The following DGKI variants were observed in gnomAD, a reference collection of about 807,000 sequenced individuals.
The protein encoded by DGKI is DAG kinase iota.
Under a neutral mutation model 147.5 loss-of-function variants are expected in DGKI, and 55 were observed. The observed-to-expected ratio is 0.37, with a 90% confidence interval of 0.30 to 0.47. DGKI has a LOEUF of 0.47. DGKI is among the 20% of genes least tolerant of loss of function. The probability of loss-of-function intolerance (pLI) is 1.00; values close to 1 mark genes in which losing one functional copy is unlikely to be tolerated. For synonymous variants in DGKI, 469 were observed against 477.1 expected, an observed-to-expected ratio of 0.98 and a Z score of 0.22; for missense variants, 1,007 against 1,323.8, an observed-to-expected ratio of 0.76 and a Z score of 3.71.
chr7:137,775,887 T>C (rs1796348270), intron 1 of DGKI, among the ~76,000 whole-genome samples: 1 of 152,146 alleles, frequency 6.6e-6, no homozygotes, highest in South Asian at 2.1e-4. Flanking sequence ...GCAGAGTTTT[T>C]CGCCCTTTTT....
At chr7:137,496,501 G>A (rs145311766) in intron 21 of DGKI, among the ~76,000 whole-genome samples, 2,160 of 151,278 alleles carry the variant, frequency 0.014, 26 homozygotes, top group Non-Finnish European at 0.02. Flanking sequence ...AATAGCCAAG[G>A]AAATAATAAT....
rs564816829 is a variant in DGKI, at chr7:137,481,277, C to A, written c.2373+4097G>T. On this transcript the variant is annotated intron_variant, in intron 23 of 32. Transcript: ENST00000614521. ...GCACATCTGCCTCTATTCCTTAGTACCTTTGTGATTTGGGGTTAAGAAGGG... is the reference window on the plus strand; with the variant it reads ...GCACATCTGCCTCTATTCCTTAGTAACTTTGTGATTTGGGGTTAAGAAGGG... Among the ~76,000 whole-genome samples the A allele has an allele frequency of 1.2e-4, 18 of 152,130 alleles. No homozygotes were observed. In the South Asian group the frequency reaches 2.3e-3, roughly 19 times the overall value.
intron 6 of DGKI, among the ~76,000 whole-genome samples, chr7:137,639,469 G>A (rs1257857343): frequency 1.3e-5 from 2 of 152,136 alleles, no homozygotes; most frequent in Non-Finnish European, 2.9e-5. Flanking sequence ...TTGGGACCAT[G>A]TCCCCCATCA....
At chr7:137,618,962 T>C (rs576791500) in intron 8 of DGKI, among the ~76,000 whole-genome samples, 48 of 152,314 alleles carry the variant, frequency 3.2e-4, no homozygotes, top group African/African-American at 1.2e-3. Flanking sequence ...CACCAGTTTT[T>C]AAATAAACCT....
chr7:137,837,820 A>G (rs1255109012), intron 1 of DGKI, among the ~76,000 whole-genome samples: 2 of 152,100 alleles, frequency 1.3e-5, no homozygotes, highest in African/African-American at 4.8e-5. Flanking sequence ...GCCCAAGCTA[A>G]TGAAGACAGC....
chr7:137,578,244 A>G (rs1239901428), intron 16 of DGKI, 26 bp downstream of exon 16: 1 of 1,529,088 alleles, frequency 6.5e-7, no homozygotes, highest in African/African-American at 1.4e-5. Flanking sequence ...AATATGTAGT[A>G]ATTATGAAAT....
chr7:137,487,923 GC>G (rs1291220700), intron 21 of DGKI, among the ~76,000 whole-genome samples: 4 of 152,064 alleles, frequency 2.6e-5, no homozygotes, highest in Non-Finnish European at 5.9e-5. Context: ...CTTGCCACCT[GC>G]CCCTCATCTC....
chr7:137,498,434 G>T lies in DGKI; in HGVS notation c.2249-10745C>A, dbSNP rs558339406. Among the ~76,000 whole-genome samples, 7 of 152,114 alleles carry T rather than the reference G, an allele frequency of 4.6e-5. No individual in the cohort carries two copies. In the South Asian group the frequency reaches 1.5e-3, roughly 32 times the overall value. ...AAAACATTAGTTTCCAAACTGAAAT[G>T]ATTCATCAAATGCCAAGCACAATAA... On this transcript the variant is annotated intron_variant, in intron 21 of 32. Coordinates refer to ENST00000614521, the MANE Select transcript of DGKI (RefSeq NM_001321708.2).
intron 19 of DGKI, among the ~76,000 whole-genome samples, chr7:137,556,346 T>C (rs906822222): frequency 6.6e-6 from 1 of 151,554 alleles, no homozygotes; most frequent in Non-Finnish European, 1.5e-5. Flanking sequence ...CAACATAATA[T>C]TGGAAGTACT....
At chr7:137,666,075 C>G (rs1822630208) in intron 3 of DGKI, among the ~76,000 whole-genome samples, 1 of 152,182 alleles carries the variant, frequency 6.6e-6, no homozygotes, top group Admixed American at 6.5e-5. Context: ...ACAGTCAGAA[C>G]AGTACAGGAT....
chr7:137,586,625 A>T (rs888137521), intron 13 of DGKI, among the ~76,000 whole-genome samples: 6 of 152,180 alleles, frequency 3.9e-5, no homozygotes, highest in African/African-American at 1.4e-4. Context: ...AGGACAGGTA[A>T]GTACCTATAC....
intron 2 of DGKI, among the ~76,000 whole-genome samples, chr7:137,683,654 G>A (rs752767746): frequency 6.6e-6 from 1 of 152,076 alleles, no homozygotes; most frequent in Admixed American, 6.6e-5. Context: ...CATGCATCTC[G>A]AAATACCATC....
chr7:137,558,470 G>T (rs554888321), intron 19 of DGKI, among the ~76,000 whole-genome samples: 40 of 152,256 alleles, frequency 2.6e-4, no homozygotes, highest in African/African-American at 7.5e-4. Context: ...TAGAGACAGG[G>T]TTTCGCCATG....
At chr7:137,584,134 T>C (rs530751990) in intron 14 of DGKI, among the ~76,000 whole-genome samples, 2 of 152,232 alleles carry the variant, frequency 1.3e-5, no homozygotes, top group Admixed American at 6.5e-5. Flanking sequence ...ACCCACAAAA[T>C]CTTAGCCTCA....
chr7:137,605,882 G>C (rs1223531093), intron 10 of DGKI, among the ~76,000 whole-genome samples: 2 of 152,102 alleles, frequency 1.3e-5, no homozygotes, highest in Non-Finnish European at 2.9e-5. Flanking sequence ...AGAAGAAATA[G>C]GTTCTAGTGT....
At chr7:137,694,494 G>C (rs1823720554) in intron 1 of DGKI, among the ~76,000 whole-genome samples, 1 of 152,104 alleles carries the variant, frequency 6.6e-6, no homozygotes, top group Admixed American at 6.5e-5. Flanking sequence ...CCCTCTCTGG[G>C]TGATGCTGCA....
Position 137,846,798 on chromosome 7 carries a change from G to T in DGKI, c.65C>A (p.Ala22Asp). 1 of 1,118,838 alleles carries T rather than the reference G, an allele frequency of 8.9e-7. No individual in the cohort carries two copies. The highest frequency in any genetic ancestry group is 1.1e-6 in the Non-Finnish European group (1 of 916,222). 69.3% of individuals were successfully genotyped at this position (1,118,838 alleles called of 1,614,324 possible). A position where few individuals can be genotyped will look rare whatever the true frequency, so the allele number is the denominator to read the frequency against. The part of the protein sequence containing the change: ...PLPAARGPAR[A>D]PAAAAAAAAS... The stretch of plus-strand genomic sequence containing the variant: ...GGCGGCGGCGGCGGCGGCTGCAGGA[G>T]CGCGGGCAGGTCCGCGCGCCGCTGG... The change falls in exon 1 of 33, where the codon GCT (alanine) becomes GAT (aspartate). Residue 22 changes from alanine to aspartate, a missense_variant. Physicochemically the swap from Ala to Asp is moderately radical, Grantham distance 126. Coordinates refer to ENST00000614521, the MANE Select transcript of DGKI (RefSeq NM_001321708.2). The surrounding 1 kb of genome is among the most constrained non-coding windows in gnomAD (Gnocchi z 4.0).
intron 1 of DGKI, among the ~76,000 whole-genome samples, chr7:137,815,460 C>T (rs1797711261): frequency 6.6e-6 from 1 of 152,206 alleles, no homozygotes; most frequent in African/African-American, 2.4e-5. Context: ...GTTCACTGAT[C>T]TACACATTTC....
intron 1 of DGKI, among the ~76,000 whole-genome samples, chr7:137,812,668 C>A (rs1241360562): frequency 6.6e-6 from 1 of 152,158 alleles, no homozygotes; most frequent in Non-Finnish European, 1.5e-5. Flanking sequence ...CCCTATGTGA[C>A]AGACTATACT....
Sources: allele counts gnomAD v4.1 joint callset (sites outside exome capture counted in the v4.1 genomes callset), GRCh38; gene constraint gnomAD v4.1.1; non-coding constraint Gnocchi (gnomAD v3.1); transcripts MANE v1.5; gene names NCBI Gene and HGNC (gene_info 2026-07-23, HGNC 2026-07-21).